PIEZO2: variants seen among roughly 807,000 people sequenced by gnomAD.
PIEZO2 encodes piezo-type mechanosensitive ion channel component 2.
Under a neutral mutation model 337.3 loss-of-function variants are expected in PIEZO2, and 172 were observed. The ratio of observed to expected loss-of-function variants is 0.51; its 90% CI spans 0.45 to 0.58. PIEZO2 has a LOEUF of 0.58. Ranked by LOEUF, PIEZO2 falls within the 20% of genes least tolerant of loss-of-function variation. The pLI is 0.00. For missense variants in PIEZO2, 3,028 were observed against 3,391.3 expected, an observed-to-expected ratio of 0.89 and a Z score of 2.66; for synonymous variants, 1,251 against 1,228.5, an observed-to-expected ratio of 1.02 and a Z score of -0.38.
intron 39 of PIEZO2, 82 bp from the exon 40 acceptor site, chr18:10,708,521 C>T (rs1231350751): frequency 1.3e-5 from 2 of 152,556 alleles, no homozygotes; most frequent in Admixed American, 1.3e-4. Flanking sequence ...CTGACCAACA[C>T]ACTGCCATGC....
chr18:10,762,853 G>A, intron 22 of PIEZO2, 69 bp downstream of exon 22: 2 of 1,474,448 alleles, frequency 1.4e-6, no homozygotes, highest in Non-Finnish European at 9.0e-7. Flanking sequence ...TGGGGATGGG[G>A]GTTCCCCAAG....
At chr18:11,082,403 C>T (rs1453128173) in intron 1 of PIEZO2, among the ~76,000 whole-genome samples, 3 of 151,706 alleles carry the variant, frequency 2.0e-5, no homozygotes, top group Non-Finnish European at 4.4e-5. Context: ...CTGCAAGCTC[C>T]ACCTCCCGGG....
At chr18:11,093,531 C>T (rs2039161953) in intron 1 of PIEZO2, among the ~76,000 whole-genome samples, 2 of 146,716 alleles carry the variant, frequency 1.4e-5, no homozygotes, top group South Asian at 2.2e-4. Context: ...TTTGACGTGT[C>T]GAAAGACGGA....
Position 10,794,691 on chromosome 18 carries a change from TA to T in PIEZO2, c.1758+80del. 1 of 1,112,472 alleles carries T rather than the reference TA, an allele frequency of 9.0e-7. No individual in the cohort carries two copies. The highest frequency in any genetic ancestry group is 1.2e-6 in the Non-Finnish European group (1 of 803,170). The allele number at this position is 1,112,472 out of a possible 1,614,324, so 68.9% of individuals were successfully genotyped here. On this transcript the variant is annotated intron_variant, in intron 13 of 55. Transcript: ENST00000674853. This position sits in a 1 kb window ranked among gnomAD's most constrained non-coding sequence, Gnocchi z 6.6. ...AGTGAATATTTGGAACCTGTTTTTATAAGGTTTCTCTTGGATACGATTATGA... is the reference window on the plus strand; with the variant it reads ...AGTGAATATTTGGAACCTGTTTTTATAGGTTTCTCTTGGATACGATTATGA...
rs1471169101 is a variant in PIEZO2 at position 10,993,313 on chromosome 18, T to C, written c.161-13653A>G. ...GGTTTTCAAAGGGAATGCTTCCAGT[T>C]TTTGCCCATTCAGTATGATATTGCC... On this transcript the variant is annotated intron_variant, in intron 2 of 55. Coordinates refer to ENST00000674853, the MANE Select transcript of PIEZO2 (RefSeq NM_001378183.1). The surrounding 1 kb of genome is among the most constrained non-coding windows in gnomAD (Gnocchi z 5.0). 6.6e-6 allele frequency among the ~76,000 whole-genome samples: 1 copy of C among 152,186 alleles called. No homozygotes were observed.
Position 11,109,326 on chromosome 18 carries a change from C to G in PIEZO2, c.64+39199G>C, listed in dbSNP as rs2039662710. Among the ~76,000 whole-genome samples, 1 of 152,178 alleles carries G rather than the reference C, an allele frequency of 6.6e-6. No homozygotes were observed. The highest frequency in any genetic ancestry group is 1.5e-5 in the Non-Finnish European group (1 of 68,026). On this transcript the variant is annotated intron_variant, in intron 1 of 55. Coordinates refer to ENST00000674853, the MANE Select transcript of PIEZO2 (RefSeq NM_001378183.1). The surrounding 1 kb of genome is among the most constrained non-coding windows in gnomAD (Gnocchi z 5.1). ...TAGCAAATCTCTGTGCTATGAAAAT[C>G]ACTATTACTGGGCATGTATTTTAAT...
At position 11,096,088 on chromosome 18, in the gene PIEZO2, G is replaced by A. The variant is rs944629057; in HGVS notation, c.65-29866C>T. Among the ~76,000 whole-genome samples the A allele has an allele frequency of 1.3e-5, 2 of 152,228 alleles. No homozygotes were observed. Among genetic ancestry groups the A allele is most frequent in the African/African-American group, 2.4e-5 (1 of 41,472 alleles). ...ATGGAAAGGGCTTGGAACCAGCGGA[G>A]CTGTCCAAGTGAGGCTTCCATTCTC... is the stretch of plus-strand genomic sequence containing the variant. On this transcript the variant is annotated intron_variant, in intron 1 of 55. Transcript: ENST00000674853. This position sits in a 1 kb window ranked among gnomAD's most constrained non-coding sequence, Gnocchi z 4.6.
chr18:11,014,321 C>T (rs180948359), intron 2 of PIEZO2, among the ~76,000 whole-genome samples: 86 of 73,436 alleles, frequency 1.2e-3, no homozygotes, highest in Admixed American at 3.1e-3. Flanking sequence ...GACAGCGATC[C>T]GGGGCTCCCT....
At chr18:10,765,409 G>A (rs1353571985) in intron 21 of PIEZO2, among the ~76,000 whole-genome samples, 2 of 152,168 alleles carry the variant, frequency 1.3e-5, no homozygotes, top group South Asian at 2.1e-4. Flanking sequence ...CTGGATCCCG[G>A]GGGTCTTATA....
At chr18:10,921,753 A>T (rs1294259146) in intron 3 of PIEZO2, among the ~76,000 whole-genome samples, 1 of 152,172 alleles carries the variant, frequency 6.6e-6, no homozygotes, top group African/African-American at 2.4e-5. Context: ...AAATGGGAGA[A>T]ATATCACTGA....
At chr18:10,912,622 T>C (rs1482573522) in intron 3 of PIEZO2, among the ~76,000 whole-genome samples, 1 of 152,182 alleles carries the variant, frequency 6.6e-6, no homozygotes. Flanking sequence ...GGTTTATTTC[T>C]TGAGAACTCT....
intron 2 of PIEZO2, among the ~76,000 whole-genome samples, chr18:11,065,079 C>T (rs2038105230): frequency 6.6e-6 from 1 of 152,118 alleles, no homozygotes; most frequent in Admixed American, 6.5e-5. Flanking sequence ...TATTTAGAGA[C>T]AGGAAAATCA....
intron 3 of PIEZO2, among the ~76,000 whole-genome samples, chr18:10,920,211 A>G (rs1263812978): frequency 1.3e-5 from 2 of 152,098 alleles, no homozygotes; most frequent in Non-Finnish European, 2.9e-5. Context: ...CCTGACTTCT[A>G]TTATCTTTCT....
intron 5 of PIEZO2, among the ~76,000 whole-genome samples, chr18:10,860,337 G>A (rs2041841178): frequency 6.6e-6 from 1 of 152,154 alleles, no homozygotes; most frequent in Non-Finnish European, 1.5e-5. Flanking sequence ...TTCCTTGCAA[G>A]AAATGACTAG....
rs1598375836 is a variant in PIEZO2 at position 10,702,106 on chromosome 18, C to T, written c.6324G>A (p.Val2108=). The T allele has an allele frequency of 2.0e-6, 3 of 1,537,016 alleles. No individual in the cohort carries two copies. Among genetic ancestry groups the T allele is most frequent in the Middle Eastern group, 3.3e-4 (2 of 5,988 alleles). The change falls in exon 43 of 56, where the codon GTG becomes GTA. Residue 2108 remains valine, a synonymous_variant. Coordinates refer to ENST00000674853, the MANE Select transcript of PIEZO2 (RefSeq NM_001378183.1). ...GFFPWNKNVE[V]NKDKPYHPPN... ...GGGGGTGATACGGTTTATCTTTGTT[C>T]ACCTCCACATTCTTATTCCAGGGAA...
intron 1 of PIEZO2, among the ~76,000 whole-genome samples, chr18:11,086,261 C>T (rs933294871): frequency 6.6e-6 from 1 of 152,112 alleles, no homozygotes; most frequent in South Asian, 2.1e-4. Context: ...TGGCTCATGC[C>T]TGTAATCCCA....
chr18:10,714,859 C>T lies in PIEZO2; in HGVS notation c.5328G>A (p.Ser1776=), dbSNP rs748623244. Residue 1776 remains serine (S), a synonymous_variant, in exon 39 of 56, where the codon TCG becomes TCA. Transcript: ENST00000674853. ...QNHIMNLSRE[S]GLDTIDEHPG... ...GATGCTCGTCAATGGTGTCCAGTCC[C>T]GACTCTCTGGAAAGGTTCATGATGT... is the stretch of plus-strand genomic sequence containing the variant. The T allele has an allele frequency of 1.9e-5, 29 of 1,537,088 alleles. No individual in the cohort carries two copies. In the South Asian group the frequency reaches 2.1e-4, roughly 11 times the overall value.
At chr18:10,740,884 A>G (rs745822168) in intron 33 of PIEZO2, 147 bp downstream of exon 33, 3 of 808,038 alleles carry the variant, frequency 3.7e-6, no homozygotes, top group East Asian at 2.7e-5. Context: ...ACCCACTGAC[A>G]TTAAAATTTT....
intron 7 of PIEZO2, among the ~76,000 whole-genome samples, chr18:10,844,954 T>G (rs371455926): frequency 5.5e-4 from 83 of 152,232 alleles, no homozygotes; most frequent in African/African-American, 1.9e-3. Context: ...AACCAAAATT[T>G]GTTTGAAATC....
Sources: gnomAD v4.1 joint callset for allele counts (sites outside exome capture counted in the v4.1 genomes callset) on GRCh38, gnomAD v4.1.1 for gene constraint, Gnocchi (gnomAD v3.1) non-coding constraint, MANE v1.5 for transcripts, NCBI Gene and HGNC (gene_info 2026-07-23, HGNC 2026-07-21) for gene names.